The following DDX54 variants were observed in gnomAD, a reference collection of about 807,000 sequenced individuals.
DDX54 encodes the protein DEAD-box helicase 54.
Under a neutral mutation model 105.5 loss-of-function variants are expected in DDX54, and 67 were observed. The ratio of observed to expected loss-of-function variants is 0.64; its 90% CI spans 0.52 to 0.78. The LOEUF is 0.78. DDX54 is among the 30% of genes least tolerant of loss of function. The pLI is 0.00. For synonymous variants in DDX54, 514 were observed against 509.9 expected (o/e 1.01, Z -0.11); for missense variants, 1,206 against 1,230.5 (o/e 0.98, Z 0.30).
Position 113,172,391 on chromosome 12 carries a change from C to T in DDX54, c.1241G>A (p.Ser414Asn), listed in dbSNP as rs372498556. The T allele has an allele frequency of 6.2e-7, 1 of 1,614,212 alleles. No homozygotes were observed. The highest frequency in any genetic ancestry group is 8.5e-7 in the Non-Finnish European group (1 of 1,180,034). Residue 414 changes from serine to asparagine, a missense_variant, in exon 11 of 20, where the codon AGC becomes AAC. Physicochemically the swap from Ser to Asn is conservative, Grantham distance 46. This residue lies in a region of DDX54 where 961 missense variants were observed against 1,019.1 expected (regional missense o/e 0.94). Coordinates refer to ENST00000306014, the MANE Select transcript of DDX54 (RefSeq NM_024072.4). Reference protein sequence around the residue: ...IPLLDNVINYSFPAKGKLFLH... With the variant: ...IPLLDNVINYNFPAKGKLFLH... ...GAAGAGTTTGCCCTTGGCGGGGAAG[C>T]TGTAGTTGATGACATTGTCCAGCAG... is the stretch of plus-strand genomic sequence containing the variant.
At chr12:113,174,810 C>G in intron 9 of DDX54, 39 bp from the exon 10 acceptor site, 1 of 1,614,218 alleles carries the variant, frequency 6.2e-7, no homozygotes, top group South Asian at 1.1e-5. Context: ...TTACGGGGTC[C>G]TGGCCCAGGG....
In DDX54 at chr12:113,181,647, A is replaced by G. The variant is rs189235642; in HGVS notation, c.175-589T>C. On this transcript the variant is annotated intron_variant, in intron 1 of 19. Coordinates refer to ENST00000306014, the MANE Select transcript of DDX54 (RefSeq NM_024072.4). Reference sequence around the variant, plus strand: ...TAAAGAGCCAATCGAAATGCCTACTATATGTGAAGTACTAGACTTTTCCAA... The same window carrying G: ...TAAAGAGCCAATCGAAATGCCTACTGTATGTGAAGTACTAGACTTTTCCAA... Among the ~76,000 whole-genome samples, 13 of 151,972 alleles carry G rather than the reference A, an allele frequency of 8.6e-5. No individual in the cohort carries two copies. In the East Asian group the frequency reaches 9.7e-4, roughly 11 times the overall value.
At chr12:113,185,256 C>G in intron 1 of DDX54, 22 bp downstream of exon 1, 1 of 1,500,154 alleles carries the variant, frequency 6.7e-7, no homozygotes, top group Admixed American at 2.2e-5. Context: ...CCCGAACATG[C>G]GTCCCAGCCC....
intron 12 of DDX54, among the ~76,000 whole-genome samples, chr12:113,166,619 TTGAGCCTGGGAGCTCACGGCTGCAG>T (rs757395307): frequency 2.0e-5 from 3 of 152,132 alleles, no homozygotes; most frequent in Non-Finnish European, 4.4e-5. Context: ...GGAGGATCGC[TTGAGCCTGGGAGCTCACGGCTGCAG>T]TGAGCCGTGA....
intron 19 of DDX54, among the ~76,000 whole-genome samples, chr12:113,160,194 G>A (rs1311022011): frequency 2.0e-5 from 3 of 152,168 alleles, no homozygotes; most frequent in Non-Finnish European, 4.4e-5. Flanking sequence ...GCTGGAGAGG[G>A]AGGAGCCACA....
intron 17 of DDX54, among the ~76,000 whole-genome samples, chr12:113,162,297 A>G (rs530053120): frequency 2.0e-5 from 3 of 151,968 alleles, no homozygotes; most frequent in African/African-American, 7.2e-5. Context: ...CCCTCCCCCT[A>G]CCCAGCTGTG....
intron 10 of DDX54, among the ~76,000 whole-genome samples, chr12:113,173,126 G>A (rs1044852548): frequency 6.6e-6 from 1 of 152,110 alleles, no homozygotes; most frequent in Non-Finnish European, 1.5e-5. Flanking sequence ...AATCACTTGA[G>A]ACCAGAAACT....
chr12:113,159,965 A>G (rs1266461732), intron 19 of DDX54, among the ~76,000 whole-genome samples: 3 of 152,186 alleles, frequency 2.0e-5, no homozygotes, highest in Admixed American at 2.0e-4. Context: ...GGTGCCTCGC[A>G]GGACCTATCA....
At chr12:113,161,822 C>A (rs1952212170) in intron 18 of DDX54, 71 bp downstream of exon 18, 1 of 380,572 alleles carries the variant, frequency 2.6e-6, no homozygotes, top group South Asian at 2.1e-5. Flanking sequence ...CCCCCAGGTT[C>A]CACTTAATTG....
chr12:113,172,283 C>T (rs1952349458), intron 11 of DDX54, 70 bp downstream of exon 11: 1 of 1,536,294 alleles, frequency 6.5e-7, no homozygotes, highest in South Asian at 1.2e-5. Flanking sequence ...AAGAGTTAAG[C>T]CTTGTACCCT....
intron 19 of DDX54, chr12:113,159,369 C>T: frequency 2.1e-6 from 1 of 485,948 alleles, no homozygotes; most frequent in Admixed American, 4.0e-5. Context: ...CGGCTCTGTG[C>T]CTCAGTTTCC....
intron 2 of DDX54, 131 bp from the exon 3 acceptor site, chr12:113,180,136 A>G: frequency 1.1e-6 from 1 of 871,498 alleles, no homozygotes; most frequent in Non-Finnish European, 1.9e-6. Flanking sequence ...ATAAAGCACA[A>G]ACTGAAAGGT....
chr12:113,178,592 G>T (rs184765787), intron 5 of DDX54: 4 of 168,498 alleles, frequency 2.4e-5, no homozygotes, highest in African/African-American at 9.6e-5. Context: ...GCCCATGTTG[G>T]AGTGCAGTAA....
At chr12:113,169,226 G>C (rs1452301572) in intron 12 of DDX54, among the ~76,000 whole-genome samples, 4 of 151,984 alleles carry the variant, frequency 2.6e-5, no homozygotes, top group African/African-American at 9.7e-5. Flanking sequence ...GATTAGCCAG[G>C]CATAGTGGCT....
intron 1 of DDX54, among the ~76,000 whole-genome samples, chr12:113,182,923 G>A (rs190472295): frequency 6.7e-6 from 1 of 150,160 alleles, no homozygotes; most frequent in Non-Finnish European, 1.5e-5. Flanking sequence ...TCCCAGGCTG[G>A]AGTGCAGTGG....
At chr12:113,165,163 C>T (rs1429223675) in intron 14 of DDX54, among the ~76,000 whole-genome samples, 2 of 152,244 alleles carry the variant, frequency 1.3e-5, no homozygotes, top group African/African-American at 4.8e-5. Flanking sequence ...TCTCCAGCTC[C>T]TCTCCTGATC....
intron 12 of DDX54, among the ~76,000 whole-genome samples, chr12:113,166,483 T>C (rs1369019339): frequency 6.6e-6 from 1 of 152,034 alleles, no homozygotes; most frequent in Non-Finnish European, 1.5e-5. Flanking sequence ...GGAGGATCAC[T>C]TGAGGCCAGG....
intron 12 of DDX54, among the ~76,000 whole-genome samples, chr12:113,169,250 G>A (rs1952307557): frequency 6.6e-6 from 1 of 151,958 alleles, no homozygotes; most frequent in African/African-American, 2.4e-5. Flanking sequence ...TTGAGCCCAG[G>A]AGTTGGAAGT....
In DDX54 at chr12:113,161,619, C is replaced by G. The variant is rs946332385; in HGVS notation, c.2301-237G>C. On this transcript the variant is annotated intron_variant, in intron 18 of 19. Coordinates refer to ENST00000306014, the MANE Select transcript of DDX54 (RefSeq NM_024072.4). ...CGCTGCTGAAGCTGCTGGGCCCGCC[C>G]CCAGCACAGGCCCCACTTACTGGAG... is the stretch of plus-strand genomic sequence containing the variant. 12 of 569,698 alleles carry G rather than the reference C, an allele frequency of 2.1e-5. No homozygotes were observed. In the Admixed American group the frequency reaches 2.5e-4, roughly 12 times the overall value. The allele number at this position is 569,698 out of a possible 1,614,324, so 35.3% of individuals were successfully genotyped here.
Sources: allele counts gnomAD v4.1 joint callset (sites outside exome capture counted in the v4.1 genomes callset), GRCh38; gene constraint gnomAD v4.1.1; regional missense constraint gnomAD v4.1.1; transcripts MANE v1.5; gene names NCBI Gene and HGNC (gene_info 2026-07-23, HGNC 2026-07-21).